Variants in SYCP2L observed in about 807,000 individuals in gnomAD.
The protein encoded by SYCP2L is synaptonemal complex protein 2-like.
A neutral mutation model predicts 125.8 loss-of-function variants in SYCP2L; 98 were observed. The ratio of observed to expected loss-of-function variants is 0.78; its 90% CI spans 0.66 to 0.92. The LOEUF is 0.92. SYCP2L is among the 40% of genes least tolerant of loss of function. SYCP2L has a pLI of 0.00. For missense variants in SYCP2L, 842 were observed against 936.4 expected (o/e 0.90, Z 1.32); for synonymous variants, 317 against 325.4 (o/e 0.97, Z 0.28).
At chr6:10,938,403 A>G (rs929526752) in intron 21 of SYCP2L, among the ~76,000 whole-genome samples, 1 of 152,120 alleles carries the variant, frequency 6.6e-6, no homozygotes, top group Non-Finnish European at 1.5e-5. Context: ...TATAGAATGC[A>G]CCTCAATATT....
At chr6:10,914,842 G>C (rs1017025079) in intron 14 of SYCP2L, among the ~76,000 whole-genome samples, 1 of 149,504 alleles carries the variant, frequency 6.7e-6, no homozygotes, top group African/African-American at 2.5e-5. Flanking sequence ...TGCCTCCTGG[G>C]TTCAAGCGAT....
chr6:10,917,501 C>CT (rs1266669995), intron 14 of SYCP2L, among the ~76,000 whole-genome samples: 1 of 152,178 alleles, frequency 6.6e-6, no homozygotes, highest in Non-Finnish European at 1.5e-5. Flanking sequence ...CATGAAATGT[C>CT]TTTTTCCACG....
chr6:10,898,837 G>A lies in SYCP2L; in HGVS notation c.455G>A (p.Ser152Asn). The part of the protein sequence containing the change: ...FFDTALIISR[S>N]SSEGKIQMLD... ...TCTTTTTGTTAGATTATTTCCAGGA[G>A]TAGTAGTGAAGGTAAGTATATTATT... Residue 152 changes from serine (S) to asparagine (N), a missense_variant, in exon 6 of 30, where the codon AGT becomes AAT. By Grantham distance (46) the Ser-to-Asn change is conservative (BLOSUM62 1). Coordinates refer to ENST00000283141, the MANE Select transcript of SYCP2L (RefSeq NM_001040274.3). 7.2e-7 allele frequency: 1 copy of A among 1,395,122 alleles called. No individual in the cohort carries two copies. Among genetic ancestry groups the A allele is most frequent in the South Asian group, 1.2e-5 (1 of 85,864 alleles). The allele number at this position is 1,395,122 out of a possible 1,614,324, so 86.4% of individuals were successfully genotyped here. A position where few individuals can be genotyped will look rare whatever the true frequency, so the allele number is the denominator to read the frequency against.
At chr6:10,894,033 A>G (rs1456946565) in intron 3 of SYCP2L, 29 bp downstream of exon 3, 1 of 1,603,598 alleles carries the variant, frequency 6.2e-7, no homozygotes, top group Non-Finnish European at 8.5e-7. Flanking sequence ...TGACCAAAAT[A>G]CAAATGTATA....
chr6:10,926,269 C>A lies in SYCP2L; in HGVS notation c.1219-70C>A. The A allele has an allele frequency of 3.5e-6, 4 of 1,142,626 alleles. No individual in the cohort carries two copies. In the African/African-American group the frequency reaches 4.7e-5, roughly 13 times the overall value. 70.8% of individuals were successfully genotyped at this position (1,142,626 alleles called of 1,614,324 possible). On this transcript the variant is annotated intron_variant, in intron 15 of 29. Transcript: ENST00000283141. ...TCAGTGTGTTTTGTTCTAAGCTTTACGTTTTCCTTAAATTTTTTTTTTTTT... is the reference window on the plus strand; with the variant it reads ...TCAGTGTGTTTTGTTCTAAGCTTTAAGTTTTCCTTAAATTTTTTTTTTTTT...
intron 14 of SYCP2L, among the ~76,000 whole-genome samples, chr6:10,917,764 A>G (rs1780716149): frequency 6.6e-6 from 1 of 152,116 alleles, no homozygotes; most frequent in Non-Finnish European, 1.5e-5. Context: ...TTATGCCTTA[A>G]AGAGGTTCTG....
At chr6:10,896,947 G>T (rs1780267859) in intron 4 of SYCP2L, among the ~76,000 whole-genome samples, 1 of 152,166 alleles carries the variant, frequency 6.6e-6, no homozygotes, top group Non-Finnish European at 1.5e-5. Flanking sequence ...GAGTTTTGAA[G>T]GCCTGACTCC....
At chr6:10,941,048 G>A (rs952862948) in intron 21 of SYCP2L, among the ~76,000 whole-genome samples, 11 of 152,134 alleles carry the variant, frequency 7.2e-5, no homozygotes, top group Non-Finnish European at 1.3e-4. Flanking sequence ...ACAAGAAATG[G>A]GGAAAGGATT....
intron 29 of SYCP2L, among the ~76,000 whole-genome samples, chr6:10,973,565 A>G (rs962319033): frequency 1.3e-5 from 2 of 152,182 alleles, no homozygotes; most frequent in African/African-American, 2.4e-5. Flanking sequence ...CTGATTGCCA[A>G]TCTGGCTATT....
chr6:10,926,791 T>C lies in SYCP2L; in HGVS notation c.1312+359T>C, dbSNP rs112717180. 2.7e-3 allele frequency among the ~76,000 whole-genome samples: 404 copies of C among 151,248 alleles called. 5 individuals carry two copies. The highest frequency in any genetic ancestry group is 9.2e-3 in the African/African-American group (381 of 41,340). Reference sequence around the variant, plus strand: ...CCATAGATTTCTTTTCTTTTTTTTTTTTTTTTGAGATGGAGTCTTGCTCTG... The same window carrying C: ...CCATAGATTTCTTTTCTTTTTTTTTCTTTTTTGAGATGGAGTCTTGCTCTG... On this transcript the variant is annotated intron_variant, in intron 16 of 29. Coordinates refer to ENST00000283141, the MANE Select transcript of SYCP2L (RefSeq NM_001040274.3).
At position 10,924,666 on chromosome 6, in the gene SYCP2L, T is replaced by A. The variant is rs542865837; in HGVS notation, c.1218+25T>A. The A allele has an allele frequency of 7.9e-5, 119 of 1,498,838 alleles. 1 individual carries two copies. Among genetic ancestry groups the A allele is most frequent in the South Asian group, 2.8e-5 (2 of 71,652 alleles). 92.8% of individuals were successfully genotyped at this position (1,498,838 alleles called of 1,614,324 possible). A position where few individuals can be genotyped will look rare whatever the true frequency, so the allele number is the denominator to read the frequency against. On this transcript the variant is annotated intron_variant, in intron 15 of 29. Coordinates refer to ENST00000283141, the MANE Select transcript of SYCP2L (RefSeq NM_001040274.3). Reference sequence around the variant, plus strand: ...GGTGGCAGGTTTCATTCTTTTGGATTATTTAAAAATGTTTTAGTATGTTTC... The same window carrying A: ...GGTGGCAGGTTTCATTCTTTTGGATAATTTAAAAATGTTTTAGTATGTTTC...
intron 21 of SYCP2L, among the ~76,000 whole-genome samples, chr6:10,937,164 G>A (rs1249985993): frequency 6.6e-6 from 1 of 152,036 alleles, no homozygotes; most frequent in African/African-American, 2.4e-5. Flanking sequence ...AGTGCGCATG[G>A]GACATTCTCC....
rs375082464 is a variant in SYCP2L, at chr6:10,963,660, C to CTA, written c.2415-119_2415-118dup. 520 of 922,124 alleles carry CTA rather than the reference C, an allele frequency of 5.6e-4. 4 individuals carry two copies. In the South Asian group the frequency reaches 7.7e-3, roughly 14 times the overall value. 57.1% of individuals were successfully genotyped at this position (922,124 alleles called of 1,614,324 possible). A position where few individuals can be genotyped will look rare whatever the true frequency, so the allele number is the denominator to read the frequency against. On this transcript the variant is annotated intron_variant, in intron 28 of 29. Transcript: ENST00000283141. ...CGTTAATATCCTGGGGTGTTGGTGTCTATAATTAAGTAATATAATGGTCTG... is the reference window on the plus strand; with the variant it reads ...CGTTAATATCCTGGGGTGTTGGTGTCTATATAATTAAGTAATATAATGGTCTG...
intron 6 of SYCP2L, among the ~76,000 whole-genome samples, chr6:10,900,193 C>T (rs1780354150): frequency 6.6e-6 from 1 of 152,124 alleles, no homozygotes; most frequent in South Asian, 2.1e-4. Context: ...TCTCTGGAGG[C>T]TGGGATTAAG....
intron 4 of SYCP2L, among the ~76,000 whole-genome samples, chr6:10,895,913 G>A (rs192545024): frequency 2.0e-5 from 3 of 152,184 alleles, no homozygotes; most frequent in Admixed American, 1.3e-4. Flanking sequence ...AGCACTTTGG[G>A]AGGTTGAGGT....
At chr6:10,971,235 GATC>G (rs1225606464) in intron 29 of SYCP2L, among the ~76,000 whole-genome samples, 2 of 152,118 alleles carry the variant, frequency 1.3e-5, no homozygotes, top group Admixed American at 6.5e-5. Context: ...GAGGCAGGCA[GATC>G]ATGAGGTCAG....
chr6:10,937,750 G>A (rs1781126947), intron 21 of SYCP2L, among the ~76,000 whole-genome samples: 1 of 152,040 alleles, frequency 6.6e-6, no homozygotes, highest in African/African-American at 2.4e-5. Context: ...TGATACCACA[G>A]AACTACAAAG....
intron 7 of SYCP2L, 27 bp downstream of exon 7, chr6:10,902,789 A>G (rs1046334492): frequency 9.3e-6 from 15 of 1,612,224 alleles, no homozygotes; most frequent in Non-Finnish European, 1.2e-5. Flanking sequence ...AAAACAGGTA[A>G]TAGTGGTTCC....
intron 18 of SYCP2L, among the ~76,000 whole-genome samples, 196 bp downstream of exon 18, chr6:10,928,646 C>A (rs549084811): frequency 9.8e-5 from 15 of 152,308 alleles, no homozygotes; most frequent in Admixed American, 5.2e-4. Context: ...TCATGTGATC[C>A]TCCCGCTTCA....
Sources: gnomAD v4.1 joint callset for allele counts (sites outside exome capture counted in the v4.1 genomes callset) on GRCh38, gnomAD v4.1.1 for gene constraint, MANE v1.5 for transcripts, NCBI Gene and HGNC (gene_info 2026-07-23, HGNC 2026-07-21) for gene names.